Variants in USH2A observed in about 807,000 individuals in gnomAD.
USH2A encodes the protein Usher syndrome 2A (autosomal recessive, mild).
In USH2A, 443 loss-of-function variants were observed where a neutral mutation model predicts 538.9. The ratio of observed to expected loss-of-function variants is 0.82; its 90% confidence interval spans 0.76 to 0.89. The LOEUF (loss-of-function observed/expected upper bound fraction) is 0.89, where lower values mean the gene tolerates loss of function less well. Ranked by LOEUF, USH2A falls within the 40% of genes least tolerant of loss-of-function variation. The pLI is 0.00. For missense variants in USH2A, 6,633 were observed against 6,324.8 expected (o/e 1.05, Z -1.65); for synonymous variants, 2,413 against 2,273.5 (o/e 1.06, Z -1.75).
rs562032815 is a variant in USH2A at position 216,313,197 on chromosome 1, T to C, written c.1644+8686A>G. Among the ~76,000 whole-genome samples, 10 of 152,276 alleles carry C rather than the reference T, an allele frequency of 6.6e-5. No homozygotes were observed. The South Asian group carries it at 2.1e-3, about 32-fold the overall frequency. ...TGCTCCTATGACAACTTCATGTCACTGCTGATCTGACAGGAGGCAGAGCTC... is the reference window on the plus strand; with the variant it reads ...TGCTCCTATGACAACTTCATGTCACCGCTGATCTGACAGGAGGCAGAGCTC... On this transcript the variant is annotated intron_variant, in intron 9 of 71. Coordinates refer to ENST00000307340, the MANE Select transcript of USH2A (RefSeq NM_206933.4).
chr1:216,119,620 T>C (rs990943988), intron 21 of USH2A, among the ~76,000 whole-genome samples: 1 of 152,100 alleles, frequency 6.6e-6, no homozygotes, highest in Non-Finnish European at 1.5e-5. Context: ...CCCATATAAA[T>C]ATATTTTTTT....
At chr1:216,215,235 T>C (rs1254330169) in intron 15 of USH2A, among the ~76,000 whole-genome samples, 3 of 152,158 alleles carry the variant, frequency 2.0e-5, no homozygotes, top group Non-Finnish European at 4.4e-5. Context: ...AATCCTGCAG[T>C]TCCCAAACTG....
At chr1:215,981,370 A>G (rs943512005) in intron 35 of USH2A, among the ~76,000 whole-genome samples, 11 of 152,202 alleles carry the variant, frequency 7.2e-5, no homozygotes, top group Non-Finnish European at 1.3e-4. Context: ...GTGGGCCCTT[A>G]TAGTATATTT....
chr1:215,834,973 T>C (rs1663434174), intron 47 of USH2A, among the ~76,000 whole-genome samples: 2 of 151,874 alleles, frequency 1.3e-5, no homozygotes, highest in Non-Finnish European at 2.9e-5. Flanking sequence ...CCTTTTAATT[T>C]CCATGAAGTT....
At chr1:216,346,961 AGT>A (rs1292272918) in intron 4 of USH2A, among the ~76,000 whole-genome samples, 1 of 152,114 alleles carries the variant, frequency 6.6e-6, no homozygotes, top group Non-Finnish European at 1.5e-5. Context: ...AAAAGTAAAA[AGT>A]GTAATCACTT....
At chr1:216,044,813 T>C (rs1440465437) in intron 32 of USH2A, among the ~76,000 whole-genome samples, 1 of 152,194 alleles carries the variant, frequency 6.6e-6, no homozygotes, top group Non-Finnish European at 1.5e-5. Flanking sequence ...CCTCAGTTTC[T>C]TCACTTGTAA....
Position 216,086,837 on chromosome 1 carries a change from G to C in USH2A, c.4886-17C>G, listed in dbSNP as rs1429320464. The C allele has an allele frequency of 1.9e-6, 3 of 1,572,994 alleles. No homozygotes were observed. Among genetic ancestry groups the C allele is most frequent in the East Asian group, 4.5e-5 (2 of 44,622 alleles). On this transcript the variant is annotated splice_polypyrimidine_tract_variant and intron_variant, in intron 23 of 71. Coordinates refer to ENST00000307340, the MANE Select transcript of USH2A (RefSeq NM_206933.4). Reference sequence around the variant, plus strand: ...CAGAGGAACCTAGAGAAGAGGAGATGAGAAATACACCTTCACCAGGATACT... The same window carrying C: ...CAGAGGAACCTAGAGAAGAGGAGATCAGAAATACACCTTCACCAGGATACT...
At chr1:216,201,917 C>T (rs1181127300) in intron 16 of USH2A, 2 of 154,330 alleles carry the variant, frequency 1.3e-5, no homozygotes, top group African/African-American at 4.8e-5. Flanking sequence ...TAAGGCAGAG[C>T]ACCCAAAGAA....
At chr1:216,237,270 G>GTT (rs2035843464) in intron 13 of USH2A, among the ~76,000 whole-genome samples, 1 of 151,930 alleles carries the variant, frequency 6.6e-6, no homozygotes, top group Admixed American at 6.6e-5. Context: ...CAACAAATGA[G>GTT]GTATCCCAGA....
chr1:216,245,049 C>T (rs1167603712), intron 13 of USH2A, among the ~76,000 whole-genome samples: 1 of 151,952 alleles, frequency 6.6e-6, no homozygotes, highest in Non-Finnish European at 1.5e-5. Flanking sequence ...TTGATAAACA[C>T]TAAAAGAGAA....
chr1:216,298,902 G>C (rs925484599), intron 9 of USH2A, among the ~76,000 whole-genome samples: 1 of 151,004 alleles, frequency 6.6e-6, no homozygotes, highest in East Asian at 1.9e-4. Context: ...GTGCAGTGGC[G>C]CAATCTTGGC....
intron 34 of USH2A, among the ~76,000 whole-genome samples, chr1:215,996,678 C>T (rs1399470596): frequency 7.4e-6 from 1 of 135,138 alleles, no homozygotes; most frequent in African/African-American, 2.8e-5. Flanking sequence ...TATCAAAAGT[C>T]TTAGAACCTT....
At chr1:215,921,903 G>A (rs1666107921) in intron 38 of USH2A, among the ~76,000 whole-genome samples, 2 of 152,052 alleles carry the variant, frequency 1.3e-5, no homozygotes, top group Non-Finnish European at 2.9e-5. Flanking sequence ...ATCTTGGTAT[G>A]AGTGATCACA....
intron 61 of USH2A, among the ~76,000 whole-genome samples, chr1:215,703,626 C>A (rs1558061780): frequency 6.6e-6 from 1 of 152,132 alleles, no homozygotes. Context: ...GGGAAAACCA[C>A]CTACTCAAGC....
intron 38 of USH2A, among the ~76,000 whole-genome samples, chr1:215,912,498 TATATATATATATAC>T (rs1558158046): frequency 2.2e-4 from 5 of 22,930 alleles, no homozygotes; most frequent in Non-Finnish European, 2.9e-4. Flanking sequence ...TATGTGTATA[TATATATATATATAC>T]GTGTATATAT....
chr1:215,793,621 A>G (rs1321226126), intron 50 of USH2A, among the ~76,000 whole-genome samples: 1 of 152,114 alleles, frequency 6.6e-6, no homozygotes, highest in African/African-American at 2.4e-5. Context: ...TGTTTTTTCA[A>G]TGCCACCCTT....
chr1:216,078,208 C>G lies in USH2A; in HGVS notation c.5453G>C (p.Gly1818Ala). ...GGACTCCGATGCATGCTTCATCAGT[C>G]CATTCACACTTGCTGATATGAAAGA... ...EGSFISASVN[G>A]LMKHASESGD... The change falls in exon 27 of 72, where the codon GGA (glycine) becomes GCA (alanine). Residue 1818 changes from glycine to alanine, a missense_variant. Transcript: ENST00000307340. 3.1e-6 allele frequency: 5 copies of G among 1,613,832 alleles called. No individual in the cohort carries two copies. Among genetic ancestry groups the G allele is most frequent in the Non-Finnish European group, 4.2e-6 (5 of 1,179,804 alleles).
At chr1:216,220,279 G>T (rs2102500714) in intron 14 of USH2A, among the ~76,000 whole-genome samples, 2 of 151,444 alleles carry the variant, frequency 1.3e-5, no homozygotes, top group Middle Eastern at 6.8e-3. Context: ...TTTAAATATT[G>T]ATTGACATAA....
At chr1:216,212,173 G>T (rs1021029892) in intron 15 of USH2A, among the ~76,000 whole-genome samples, 1 of 152,152 alleles carries the variant, frequency 6.6e-6, no homozygotes, top group East Asian at 1.9e-4. Flanking sequence ...AATATCCTTG[G>T]CAACAAAAGT....
Sources: allele counts gnomAD v4.1 joint callset (sites outside exome capture counted in the v4.1 genomes callset), GRCh38; gene constraint gnomAD v4.1.1; transcripts MANE v1.5; gene names NCBI Gene and HGNC (gene_info 2026-07-23, HGNC 2026-07-21).